The following MYO6 variants were observed in gnomAD, a reference collection of about 807,000 sequenced individuals.
MYO6 encodes the protein myosin VI.
In MYO6, 74 loss-of-function variants were observed where a neutral mutation model predicts 178.7. The ratio of observed to expected loss-of-function variants is 0.41; its 90% CI spans 0.34 to 0.50. MYO6 has a LOEUF of 0.50. Among genes scored for constraint, MYO6 ranks in the 20% least tolerant of loss-of-function variants. The pLI is 0.09. For synonymous variants in MYO6, 477 were observed against 504.6 expected, an observed-to-expected ratio of 0.95 and a Z score of 0.73; for missense variants, 1,330 against 1,547.4, an observed-to-expected ratio of 0.86 and a Z score of 2.36.
At chr6:75,787,698 C>G (rs1478214137) in intron 1 of MYO6, among the ~76,000 whole-genome samples, 2 of 58,066 alleles carry the variant, frequency 3.4e-5, no homozygotes, top group African/African-American at 6.4e-5. Context: ...CTCTCTCTCT[C>G]TCTCTCTCTC....
chr6:75,779,327 C>T (rs1766726253), intron 1 of MYO6, among the ~76,000 whole-genome samples: 2 of 152,028 alleles, frequency 1.3e-5, no homozygotes, highest in African/African-American at 4.8e-5. Flanking sequence ...CATGGTGAAA[C>T]CCAGTCTCCA....
At chr6:75,784,570 G>T (rs910833742) in intron 1 of MYO6, among the ~76,000 whole-genome samples, 1 of 151,528 alleles carries the variant, frequency 6.6e-6, no homozygotes, top group Admixed American at 6.6e-5. Flanking sequence ...TCAGGAGATC[G>T]AGACCATCCT....
intron 29 of MYO6, among the ~76,000 whole-genome samples, chr6:75,896,384 G>T (rs1462801086): frequency 6.6e-6 from 1 of 152,208 alleles, no homozygotes; most frequent in Admixed American, 6.5e-5. Flanking sequence ...CTTACGTATA[G>T]AATCACCACG....
chr6:75,807,153 T>C (rs1429039323), intron 1 of MYO6, among the ~76,000 whole-genome samples: 1 of 152,222 alleles, frequency 6.6e-6, no homozygotes, highest in Non-Finnish European at 1.5e-5. Flanking sequence ...TTTAAAAACA[T>C]TGTTTTATTT....
intron 20 of MYO6, among the ~76,000 whole-genome samples, chr6:75,875,541 C>A (rs941645347): frequency 6.6e-6 from 1 of 152,340 alleles, no homozygotes; most frequent in South Asian, 2.1e-4. Flanking sequence ...CCTCCCTCAG[C>A]CTTCCAAAGT....
intron 17 of MYO6, 108 bp from the exon 18 acceptor site, chr6:75,866,824 C>G (rs757955610): frequency 8.8e-6 from 11 of 1,245,346 alleles, no homozygotes; most frequent in Non-Finnish European, 1.2e-5. Context: ...TTGGACAGTG[C>G]AGATACAGAA....
At chr6:75,786,914 T>C (rs1337701790) in intron 1 of MYO6, among the ~76,000 whole-genome samples, 1 of 152,254 alleles carries the variant, frequency 6.6e-6, no homozygotes, top group Admixed American at 6.5e-5. Context: ...TACTATACTT[T>C]AAAATCTGCA....
At chr6:75,802,844 T>A (rs1382621225) in intron 1 of MYO6, among the ~76,000 whole-genome samples, 3 of 152,118 alleles carry the variant, frequency 2.0e-5, no homozygotes, top group Non-Finnish European at 2.9e-5. Flanking sequence ...GGGTGTATCA[T>A]TGGATAATAA....
At chr6:75,770,464 C>G (rs1765766820) in intron 1 of MYO6, among the ~76,000 whole-genome samples, 1 of 152,190 alleles carries the variant, frequency 6.6e-6, no homozygotes, top group African/African-American at 2.4e-5. Context: ...AACTTCTAAA[C>G]TAACCTCCTT....
chr6:75,804,839 C>T lies in MYO6; in HGVS notation c.-47-12662C>T, dbSNP rs553009203. On this transcript the variant is annotated intron_variant, in intron 1 of 34. Coordinates refer to ENST00000369977, the MANE Select transcript of MYO6 (RefSeq NM_004999.4). ...TTTAGTTGGTACTTAATGTCTAATA[C>T]CCTAACATATATATACACATATATA... 4.8e-3 allele frequency among the ~76,000 whole-genome samples: 720 copies of T among 150,494 alleles called. 1 individual carries two copies. Among genetic ancestry groups the T allele is most frequent in the Non-Finnish European group, 7.0e-3 (476 of 67,806 alleles).
chr6:75,778,619 T>C (rs1270032331), intron 1 of MYO6, among the ~76,000 whole-genome samples: 2 of 152,116 alleles, frequency 1.3e-5, no homozygotes, highest in Non-Finnish European at 1.5e-5. Context: ...AAATTTTTTT[T>C]CTGCCTTTTT....
At chr6:75,908,950 G>T (rs1047577148) in intron 32 of MYO6, among the ~76,000 whole-genome samples, 2 of 152,176 alleles carry the variant, frequency 1.3e-5, no homozygotes, top group Non-Finnish European at 2.9e-5. Flanking sequence ...AAAATGTCAG[G>T]ATTGCCATGC....
At chr6:75,788,412 C>T (rs1471298905) in intron 1 of MYO6, among the ~76,000 whole-genome samples, 1 of 152,188 alleles carries the variant, frequency 6.6e-6, no homozygotes, top group African/African-American at 2.4e-5. Context: ...TCATCTTTCC[C>T]TGAGCTTCTT....
chr6:75,788,390 C>T (rs1767890913), intron 1 of MYO6, among the ~76,000 whole-genome samples: 1 of 152,092 alleles, frequency 6.6e-6, no homozygotes, highest in Non-Finnish European at 1.5e-5. Flanking sequence ...ATTCCAGAAC[C>T]ACGTTCTAGC....
rs769916641 is a variant in MYO6 at position 75,832,796 on chromosome 6, T to A, written c.392-46T>A. ...AAAGTGAACTTTCTATTATTAACTT[T>A]ATATTTAATATATTGCTCATCATTA... is the stretch of plus-strand genomic sequence containing the variant. On this transcript the variant is annotated intron_variant, in intron 5 of 34. Coordinates refer to ENST00000369977, the MANE Select transcript of MYO6 (RefSeq NM_004999.4). The A allele has an allele frequency of 5.1e-6, 6 of 1,169,930 alleles. No homozygotes were observed. In the Admixed American group the frequency reaches 1.0e-4, roughly 20 times the overall value. The allele number at this position is 1,169,930 out of a possible 1,614,324, so 72.5% of individuals were successfully genotyped here. A position where few individuals can be genotyped will look rare whatever the true frequency, so the allele number is the denominator to read the frequency against.
chr6:75,755,575 ATTAG>A (rs1777277710), intron 1 of MYO6, among the ~76,000 whole-genome samples: 1 of 152,242 alleles, frequency 6.6e-6, no homozygotes, highest in South Asian at 2.1e-4. Context: ...TTAAAGAACA[ATTAG>A]TTAAAAAAAG....
rs539526482 is a variant in MYO6 at position 75,783,195 on chromosome 6, G to GTAT, written c.-48+33775_-48+33777dup. 1.4e-3 allele frequency among the ~76,000 whole-genome samples: 212 copies of GTAT among 152,214 alleles called. 1 individual carries two copies. Among genetic ancestry groups the GTAT allele is most frequent in the African/African-American group, 4.7e-3 (194 of 41,540 alleles). ...CCCTCCCAAAATTCTGGGATTACAG[G>GTAT]TATTAGCCACTGAGCCTGGCCTCCC... On this transcript the variant is annotated intron_variant, in intron 1 of 34. Transcript: ENST00000369977.
chr6:75,791,591 A>G (rs945420638), intron 1 of MYO6, among the ~76,000 whole-genome samples: 4 of 152,360 alleles, frequency 2.6e-5, no homozygotes, highest in South Asian at 2.1e-4. Context: ...AGTTTATTCC[A>G]TTAGTAAAAA....
intron 32 of MYO6, among the ~76,000 whole-genome samples, chr6:75,910,691 C>G (rs1780692991): frequency 6.6e-6 from 1 of 151,820 alleles, no homozygotes; most frequent in Admixed American, 6.6e-5. Flanking sequence ...CTGAAAAGTA[C>G]TTTTTTTTGC....
Sources: allele counts gnomAD v4.1 joint callset (sites outside exome capture counted in the v4.1 genomes callset), GRCh38; gene constraint gnomAD v4.1.1; transcripts MANE v1.5; gene names NCBI Gene and HGNC (gene_info 2026-07-23, HGNC 2026-07-21).